Variants in RABEPK observed in about 807,000 individuals in gnomAD.
The protein encoded by RABEPK is Rab9 effector protein with kelch motifs.
Under a neutral mutation model 34.1 loss-of-function variants are expected in RABEPK, and 27 were observed. The observed-to-expected ratio is 0.79, with a 90% CI of 0.58 to 1.09. The LOEUF (loss-of-function observed/expected upper bound fraction) is 1.09, where lower values mean the gene tolerates loss of function less well. RABEPK is among the 50% of genes least tolerant of loss of function. RABEPK has a pLI of 0.00. For missense variants in RABEPK, 449 were observed against 462.6 expected (o/e 0.97, Z 0.27); for synonymous variants, 172 against 169.2 (o/e 1.02, Z -0.13).
chr9:125,229,272 AG>A (rs1178374207), intron 6 of RABEPK, among the ~76,000 whole-genome samples: 4 of 150,742 alleles, frequency 2.7e-5, no homozygotes. Context: ...AAAGAAAAAA[AG>A]AAAAAAAAAA....
At chr9:125,214,121 CA>C (rs906400070) in intron 4 of RABEPK, among the ~76,000 whole-genome samples, 15 of 120,160 alleles carry the variant, frequency 1.2e-4, no homozygotes, top group South Asian at 5.4e-4. Context: ...GACTCTGTCT[CA>C]AAAAAAAAAG....
rs1049074763 is a variant in RABEPK, at chr9:125,234,080, G to C, written c.*100G>C. On this transcript the variant is annotated 3_prime_UTR_variant, in exon 8 of 8. Coordinates refer to ENST00000373538, the MANE Select transcript of RABEPK (RefSeq NM_005833.4). ...AAAATATCTTCTGCATTATATATCT[G>C]TTTTTCTCCTACTTTGGTAGGTGAA... 1 of 1,222,058 alleles carries C rather than the reference G, an allele frequency of 8.2e-7. No individual in the cohort carries two copies. Among genetic ancestry groups the C allele is most frequent in the African/African-American group, 1.5e-5 (1 of 65,622 alleles). The allele number at this position is 1,222,058 out of a possible 1,614,324, so 75.7% of individuals were successfully genotyped here.
At chr9:125,213,550 C>T (rs1353185819) in intron 4 of RABEPK, 28 bp downstream of exon 4, 6 of 1,590,388 alleles carry the variant, frequency 3.8e-6, no homozygotes, top group African/African-American at 2.7e-5. Flanking sequence ...ATTTTATTTA[C>T]GTACATACAA....
At chr9:125,225,669 A>G (rs1216218033) in intron 5 of RABEPK, among the ~76,000 whole-genome samples, 8 of 151,990 alleles carry the variant, frequency 5.3e-5, no homozygotes, top group African/African-American at 1.9e-4. Context: ...CTAAAAATAC[A>G]AAAATTAAGG....
intron 3 of RABEPK, among the ~76,000 whole-genome samples, chr9:125,208,969 A>G (rs1489960906): frequency 6.6e-6 from 1 of 151,888 alleles, no homozygotes; most frequent in South Asian, 2.1e-4. Flanking sequence ...CCCCCTATAC[A>G]GTGCATTTTC....
intron 3 of RABEPK, among the ~76,000 whole-genome samples, chr9:125,211,236 CA>C (rs201121898): frequency 1.0e-4 from 15 of 143,946 alleles, no homozygotes; most frequent in South Asian, 2.2e-4. Context: ...GACGCCATCT[CA>C]AAAAAAAAAG....
intron 4 of RABEPK, among the ~76,000 whole-genome samples, chr9:125,219,313 T>A (rs1247854571): frequency 1.3e-5 from 2 of 149,220 alleles, no homozygotes; most frequent in Non-Finnish European, 3.0e-5. Context: ...CCTCCTGCCT[T>A]GGCTTCCCAA....
At chr9:125,210,883 G>A (rs1830550095) in intron 3 of RABEPK, among the ~76,000 whole-genome samples, 1 of 146,676 alleles carries the variant, frequency 6.8e-6, no homozygotes, top group South Asian at 2.2e-4. Context: ...TGTCACCCAG[G>A]CTGGAGTGCA....
intron 4 of RABEPK, chr9:125,220,320 C>T: frequency 6.9e-7 from 1 of 1,440,980 alleles, no homozygotes; most frequent in Non-Finnish European, 9.1e-7. Context: ...CATTCTTGTG[C>T]TTACAGCTTT....
intron 5 of RABEPK, chr9:125,220,965 G>A (rs1340936605): frequency 2.1e-5 from 7 of 326,364 alleles, no homozygotes; most frequent in East Asian, 1.0e-4. Flanking sequence ...TCAGGAGTTC[G>A]AGAACAGCCT....
intron 1 of RABEPK, among the ~76,000 whole-genome samples, chr9:125,201,860 C>G (rs2131360898): frequency 6.6e-6 from 1 of 151,702 alleles, no homozygotes; most frequent in African/African-American, 2.4e-5. Flanking sequence ...GATCCGCCTG[C>G]CTCGGCCTCC....
chr9:125,205,801 T>A (rs1830190739), intron 2 of RABEPK, among the ~76,000 whole-genome samples: 1 of 152,190 alleles, frequency 6.6e-6, no homozygotes, highest in African/African-American at 2.4e-5. Context: ...AAAGGGGTTT[T>A]ATGTAGATTA....
In RABEPK at chr9:125,232,611, A is replaced by G; in HGVS notation, c.692A>G (p.Gln231Arg). The G allele has an allele frequency of 6.2e-7, 1 of 1,612,140 alleles. No individual in the cohort carries two copies. Among genetic ancestry groups the G allele is most frequent in the Non-Finnish European group, 8.5e-7 (1 of 1,179,146 alleles). Reference sequence around the variant, plus strand: ...CTCTTGGCAGGTGACATGAAATGGCAGAAGCTAAATCCCACTGGGGCTGCT... The same window carrying G: ...CTCTTGGCAGGTGACATGAAATGGCGGAAGCTAAATCCCACTGGGGCTGCT... ...HCIDISDMKW[Q>R]KLNPTGAAPA... is the part of the protein sequence containing the mutation. Residue 231 changes from glutamine to arginine, a missense_variant, in exon 7 of 8, where the codon CAG (glutamine) becomes CGG (arginine). By Grantham distance (43) the Gln-to-Arg change is conservative. Coordinates refer to ENST00000373538, the MANE Select transcript of RABEPK (RefSeq NM_005833.4).
rs1831265252 is a variant in RABEPK at position 125,220,653 on chromosome 9, G to T, written c.479G>T (p.Arg160Ile). 1 of 1,614,096 alleles carries T rather than the reference G, an allele frequency of 6.2e-7. No homozygotes were observed. Among genetic ancestry groups the T allele is most frequent in the Non-Finnish European group, 8.5e-7 (1 of 1,180,054 alleles). The change falls in exon 5 of 8, where the codon AGA (arginine) becomes ATA (isoleucine). Residue 160 changes from arginine (R) to isoleucine (I), a missense_variant. Transcript: ENST00000373538. ...NQLYVFGGGE[R>I]GAQPVQDTKL... ...CTATATGTCTTTGGGGGCGGAGAGA[G>T]AGGTGCCCAGCCCGTGCAGGACACG...
chr9:125,222,342 A>G (rs569845138), intron 5 of RABEPK: 1 of 152,070 alleles, frequency 6.6e-6, no homozygotes, highest in South Asian at 2.1e-4. Flanking sequence ...GTGTGTGTAC[A>G]TGTGTATGTA....
intron 6 of RABEPK, among the ~76,000 whole-genome samples, chr9:125,230,717 A>G (rs1344725549): frequency 1.3e-5 from 2 of 151,282 alleles, no homozygotes; most frequent in South Asian, 2.1e-4. Flanking sequence ...TTGTATTTTT[A>G]GTAGAGACAG....
chr9:125,224,055 CA>C (rs1466428138), intron 5 of RABEPK, among the ~76,000 whole-genome samples: 1 of 151,752 alleles, frequency 6.6e-6, no homozygotes, highest in East Asian at 1.9e-4. Context: ...ATTATCCAGG[CA>C]TGGCGGCAGG....
chr9:125,205,165 T>C (rs987878967), intron 2 of RABEPK, among the ~76,000 whole-genome samples: 4 of 152,162 alleles, frequency 2.6e-5, no homozygotes, highest in African/African-American at 9.7e-5. Context: ...TCTCTCCAAA[T>C]GGTGCTTCTT....
chr9:125,226,354 A>G (rs916406704), intron 5 of RABEPK, among the ~76,000 whole-genome samples: 1 of 151,720 alleles, frequency 6.6e-6, no homozygotes, highest in African/African-American at 2.4e-5. Flanking sequence ...GTTGAGTGCC[A>G]CTGACATAGA....
Sources: gnomAD v4.1 joint callset for allele counts (sites outside exome capture counted in the v4.1 genomes callset) on GRCh38, gnomAD v4.1.1 for gene constraint, MANE v1.5 for transcripts, NCBI Gene and HGNC (gene_info 2026-07-23, HGNC 2026-07-21) for gene names.